DLGAP2: variants seen among roughly 807,000 people sequenced by gnomAD.
DLGAP2 encodes disks large-associated protein 2.
A neutral mutation model predicts 100.3 loss-of-function variants in DLGAP2; 26 were observed. That is an observed-to-expected ratio of 0.26 (90% CI 0.19 to 0.36). The LOEUF is 0.36. Ranked by LOEUF, DLGAP2 falls within the 10% of genes least tolerant of loss-of-function variation. DLGAP2 has a pLI of 1.00. For synonymous variants in DLGAP2, 886 were observed against 630.1 expected (o/e 1.41, Z -6.08); for missense variants, 1,858 against 1,453.2 (o/e 1.28, Z -4.53).
intron 3 of DLGAP2, among the ~76,000 whole-genome samples, chr8:1,278,023 GT>G (rs1775820594): frequency 6.6e-6 from 1 of 152,198 alleles, no homozygotes. Flanking sequence ...AGTCATCATT[GT>G]CAGTAACAGC....
At chr8:1,089,100 C>T (rs201049663) in intron 2 of DLGAP2, among the ~76,000 whole-genome samples, 1 of 113,888 alleles carries the variant, frequency 8.8e-6, no homozygotes, top group African/African-American at 3.7e-5. Flanking sequence ...CTATGCAATT[C>T]TTGCTCCCCG....
intron 6 of DLGAP2, among the ~76,000 whole-genome samples, chr8:1,585,080 A>G (rs1480054825): frequency 2.0e-5 from 3 of 152,172 alleles, no homozygotes; most frequent in Non-Finnish European, 2.9e-5. Context: ...TTACTTCAAC[A>G]TCTAGTTTTT....
At chr8:1,191,264 G>A (rs549015624) in intron 2 of DLGAP2, among the ~76,000 whole-genome samples, 25 of 144,096 alleles carry the variant, frequency 1.7e-4, no homozygotes, top group Non-Finnish European at 2.5e-4. Flanking sequence ...TCCACCTCCC[G>A]GGTTCAGGCC....
At chr8:853,596 C>T (rs541089499) in intron 1 of DLGAP2, among the ~76,000 whole-genome samples, 9 of 152,184 alleles carry the variant, frequency 5.9e-5, no homozygotes, top group Non-Finnish European at 1.2e-4. Flanking sequence ...GGACCCCCCA[C>T]GACATCCAAG....
chr8:1,100,323 GC>G (rs1804534836), intron 2 of DLGAP2, among the ~76,000 whole-genome samples: 3 of 152,010 alleles, frequency 2.0e-5, no homozygotes, highest in African/African-American at 7.3e-5. Flanking sequence ...CCTTTGTCCA[GC>G]ATGTCCACAG....
intron 2 of DLGAP2, among the ~76,000 whole-genome samples, chr8:1,012,738 C>A (rs1474113556): frequency 1.5e-5 from 2 of 130,636 alleles, no homozygotes; most frequent in South Asian, 3.0e-4. Flanking sequence ...CCGGCCCCCC[C>A]ACTTCAGCGG....
intron 2 of DLGAP2, among the ~76,000 whole-genome samples, chr8:984,431 T>A (rs1800429145): frequency 6.6e-6 from 1 of 152,362 alleles, no homozygotes; most frequent in East Asian, 1.9e-4. Flanking sequence ...ATCCAGGAGC[T>A]GGTAGCTCTC....
chr8:1,083,321 C>G (rs564317261), intron 2 of DLGAP2, among the ~76,000 whole-genome samples: 1 of 152,178 alleles, frequency 6.6e-6, no homozygotes, highest in Admixed American at 6.5e-5. Flanking sequence ...TAATTCTTCA[C>G]GGGCTGAAGG....
chr8:1,150,934 CATT>C (rs1303763565), intron 2 of DLGAP2, among the ~76,000 whole-genome samples: 2 of 152,110 alleles, frequency 1.3e-5, no homozygotes, highest in Non-Finnish European at 2.9e-5. Context: ...CTGAGATAAT[CATT>C]ATTATTTGGA....
intron 6 of DLGAP2, among the ~76,000 whole-genome samples, chr8:1,623,474 ACACCAGTGCACGATGACCTGG>A (rs1797403766): frequency 1.4e-5 from 2 of 143,548 alleles, no homozygotes; most frequent in African/African-American, 5.3e-5. Flanking sequence ...CAATGACCTG[ACACCAGTGCACGATGACCTGG>A]CACCAGTGCG....
chr8:1,214,506 C>T (rs938870737), intron 2 of DLGAP2, among the ~76,000 whole-genome samples: 1 of 152,222 alleles, frequency 6.6e-6, no homozygotes, highest in Non-Finnish European at 1.5e-5. Flanking sequence ...AAACAGAGGG[C>T]AGTGGCCAAG....
intron 6 of DLGAP2, among the ~76,000 whole-genome samples, chr8:1,617,494 T>A (rs1797194097): frequency 6.6e-6 from 1 of 152,272 alleles, no homozygotes; most frequent in Admixed American, 6.5e-5. Flanking sequence ...TGAGCATTTT[T>A]TCATGTGCTT....
chr8:1,408,196 A>C (rs1563128114), intron 3 of DLGAP2, among the ~76,000 whole-genome samples: 1 of 152,236 alleles, frequency 6.6e-6, no homozygotes, highest in Non-Finnish European at 1.5e-5. Flanking sequence ...GTTGAAGAAC[A>C]CAGGAATCCT....
chr8:1,681,765 G>A (rs1363796494), intron 12 of DLGAP2, among the ~76,000 whole-genome samples: 1 of 152,246 alleles, frequency 6.6e-6, no homozygotes, highest in Non-Finnish European at 1.5e-5. Context: ...TAGGTGAGTA[G>A]TATTGTAAGC....
rs1026745327 is a variant in DLGAP2 at position 750,920 on chromosome 8, GC to G, written c.18+13099del. Among the ~76,000 whole-genome samples, 111 of 152,354 alleles carry G rather than the reference GC, an allele frequency of 7.3e-4. 1 individual carries two copies. The highest frequency in any genetic ancestry group is 2.6e-3 in the African/African-American group (107 of 41,582). ...CCTGTTCCGAAATATTTGTCACTGG[GC>G]CCCGGCTCGTTTTGTCTGAGAAGGT... On this transcript the variant is annotated intron_variant, in intron 1 of 14. Coordinates refer to ENST00000637795, the MANE Select transcript of DLGAP2 (RefSeq NM_001346810.2).
chr8:1,450,778 C>T (rs1162714893), intron 3 of DLGAP2, among the ~76,000 whole-genome samples: 1 of 152,078 alleles, frequency 6.6e-6, no homozygotes, highest in Non-Finnish European at 1.5e-5. Flanking sequence ...GCTCAACGTT[C>T]CCAAGCCTGG....
intron 1 of DLGAP2, among the ~76,000 whole-genome samples, chr8:846,249 C>G (rs930351941): frequency 2.0e-5 from 3 of 152,206 alleles, no homozygotes; most frequent in African/African-American, 4.8e-5. Context: ...TCCTATCTAA[C>G]TGTAGCTTTG....
intron 2 of DLGAP2, among the ~76,000 whole-genome samples, chr8:1,155,144 C>A (rs970409606): frequency 5.3e-5 from 8 of 152,210 alleles, no homozygotes; most frequent in Non-Finnish European, 1.2e-4. Context: ...CCTGGGGCAG[C>A]GGCTGGCCGG....
chr8:957,508 C>T (rs942445642), intron 2 of DLGAP2, among the ~76,000 whole-genome samples: 1 of 152,222 alleles, frequency 6.6e-6, no homozygotes, highest in African/African-American at 2.4e-5. Context: ...TATTAGGCCA[C>T]TGCTGATGTG....
Sources: gnomAD v4.1 joint callset for allele counts (sites outside exome capture counted in the v4.1 genomes callset) on GRCh38, gnomAD v4.1.1 for gene constraint, MANE v1.5 for transcripts, NCBI Gene and HGNC (gene_info 2026-07-23, HGNC 2026-07-21) for gene names.